The following KANK1 variants were observed in gnomAD, a reference collection of about 807,000 sequenced individuals.
KANK1 encodes KN motif and ankyrin repeat domain-containing protein 1.
In KANK1, 109 loss-of-function variants were observed where a neutral mutation model predicts 106.2. The observed-to-expected ratio is 1.03, with a 90% CI of 0.88 to 1.20. The LOEUF (loss-of-function observed/expected upper bound fraction) is 1.20, where lower values mean the gene tolerates loss of function less well. Ranked by LOEUF, KANK1 falls within the 50% of genes most tolerant of loss-of-function variation. The pLI, the probability that KANK1 is intolerant of heterozygous loss-of-function variation, is 0.00. For synonymous variants in KANK1, 873 were observed against 652.2 expected (o/e 1.34, Z -5.16); for missense variants, 2,399 against 1,710.7 (o/e 1.40, Z -7.10).
intron 1 of KANK1, among the ~76,000 whole-genome samples, chr9:634,833 C>G (rs899262782): frequency 1.1e-4 from 17 of 152,184 alleles, no homozygotes; most frequent in African/African-American, 4.1e-4. Context: ...TAGTGGCCCA[C>G]TGATATCATT....
chr9:616,302 A>G (rs1350505905), intron 1 of KANK1, among the ~76,000 whole-genome samples: 1 of 152,180 alleles, frequency 6.6e-6, no homozygotes, highest in Non-Finnish European at 1.5e-5. Context: ...CATTTAGGTG[A>G]TACTGTATCA....
At chr9:733,287 G>T (rs1832813299) in intron 6 of KANK1, 1 of 152,206 alleles carries the variant, frequency 6.6e-6, no homozygotes, top group East Asian at 1.9e-4. Context: ...TTCAGTATGT[G>T]AAATATAAAT....
At chr9:541,651 G>T (rs1021937928) in intron 1 of KANK1, among the ~76,000 whole-genome samples, 2 of 152,020 alleles carry the variant, frequency 1.3e-5, no homozygotes, top group Non-Finnish European at 2.9e-5. Context: ...ATTCTGCATA[G>T]AAAAGGAAAC....
intron 1 of KANK1, among the ~76,000 whole-genome samples, chr9:561,814 A>G (rs1018548506): frequency 1.3e-5 from 2 of 152,216 alleles, no homozygotes; most frequent in Non-Finnish European, 2.9e-5. Context: ...TGTAAGTCAC[A>G]CTGTTAAAGA....
Position 734,762 on chromosome 9 carries a change from A to G in KANK1, c.3260A>G (p.Glu1087Gly), listed in dbSNP as rs759914668. 1 of 1,611,134 alleles carries G rather than the reference A, an allele frequency of 6.2e-7. No homozygotes were observed. Among genetic ancestry groups the G allele is most frequent in the Non-Finnish European group, 8.5e-7 (1 of 1,177,228 alleles). The part of the protein sequence containing the change: ...VEIRERYELS[E>G]KMLSACNLLK... ...TCTCCTTTCAGGTATGAATTAAGTG[A>G]AAAGATGTTGTCTGCATGCAACTTA... The change falls in exon 7 of 12, where the codon GAA (glutamate) becomes GGA (glycine). Residue 1087 changes from glutamate (E) to glycine (G), a missense_variant. Glu to Gly is a moderately conservative substitution (Grantham distance 98). Transcript: ENST00000382297.
chr9:584,758 C>G (rs1462365157), intron 1 of KANK1, among the ~76,000 whole-genome samples: 2 of 152,186 alleles, frequency 1.3e-5, no homozygotes, highest in Non-Finnish European at 2.9e-5. Flanking sequence ...CTTCAGCTTT[C>G]AGGCTCGCTG....
intron 2 of KANK1, among the ~76,000 whole-genome samples, chr9:708,148 ATGGAATTT>A: frequency 2.7e-5 from 1 of 36,504 alleles, no homozygotes; most frequent in African/African-American, 1.2e-4. Context: ...TCTCCTGTTA[ATGGAATTT>A]CAGACAGTCC....
chr9:573,541 A>T (rs921813686), intron 1 of KANK1, among the ~76,000 whole-genome samples: 4 of 152,090 alleles, frequency 2.6e-5, no homozygotes, highest in Admixed American at 2.0e-4. Flanking sequence ...AAGTGCTGGG[A>T]TTACAGGCAT....
intron 3 of KANK1, among the ~76,000 whole-genome samples, chr9:713,687 G>A (rs1041987208): frequency 2.0e-5 from 3 of 152,134 alleles, no homozygotes; most frequent in South Asian, 2.1e-4. Context: ...GAGGACTAAC[G>A]CTGGAAGAAA....
chr9:655,076 T>C (rs1841821971), intron 1 of KANK1, among the ~76,000 whole-genome samples: 2 of 151,884 alleles, frequency 1.3e-5, no homozygotes. Flanking sequence ...ACAGTAATTC[T>C]AATAATCATC....
chr9:642,523 T>C (rs1157046043), intron 1 of KANK1, among the ~76,000 whole-genome samples: 1 of 151,026 alleles, frequency 6.6e-6, no homozygotes. Flanking sequence ...AAGGTCACTT[T>C]TGTAAATTTC....
At chr9:552,704 T>A (rs2061353225) in intron 1 of KANK1, among the ~76,000 whole-genome samples, 2 of 152,218 alleles carry the variant, frequency 1.3e-5, no homozygotes, top group African/African-American at 4.8e-5. Context: ...TGCCTTGGCC[T>A]TTTTCCCTGT....
chr9:525,903 C>G (rs7856262), intron 1 of KANK1, among the ~76,000 whole-genome samples: 66,128 of 151,260 alleles, frequency 0.44, 17,558 homozygotes, highest in African/African-American at 0.74. Flanking sequence ...CATTTGTCAC[C>G]CAGAGGATCA....
intron 1 of KANK1, among the ~76,000 whole-genome samples, chr9:545,060 TGAG>T (rs60020230): frequency 0.052 from 7,963 of 151,742 alleles, 702 homozygotes; most frequent in African/African-American, 0.18. Flanking sequence ...AAATGGCGGC[TGAG>T]GAGGAGAATC....
Position 544,503 on chromosome 9 carries a change from T to C in KANK1, c.-84+39749T>C, listed in dbSNP as rs570164850. 4.6e-5 allele frequency among the ~76,000 whole-genome samples: 7 copies of C among 152,286 alleles called. No homozygotes were observed. The South Asian group carries it at 1.5e-3, about 32-fold the overall frequency. On this transcript the variant is annotated intron_variant, in intron 1 of 11. Coordinates refer to ENST00000382297, the MANE Select transcript of KANK1 (RefSeq NM_015158.5). ...AAATTTGAGATGAGCAATTAATAGA[T>C]GGACCGGCCAACAAACACTATGTGG...
intron 1 of KANK1, among the ~76,000 whole-genome samples, chr9:676,407 T>C (rs1373822964): frequency 6.6e-6 from 1 of 152,196 alleles, no homozygotes; most frequent in Non-Finnish European, 1.5e-5. Flanking sequence ...AAAGAGGCGT[T>C]GGTAGAAAGA....
rs764894482 is a variant in KANK1, at chr9:712,899, T to G, written c.2133T>G (p.Thr711=). Residue 711 remains threonine, a synonymous_variant, in exon 3 of 12, where the codon ACT becomes ACG. Coordinates refer to ENST00000382297, the MANE Select transcript of KANK1 (RefSeq NM_015158.5). ...STLDKQTSTQ[T]VETRTVAVGE... is the part of the protein sequence containing the mutation. ...TGGACAAGCAGACCAGCACCCAGAC[T>G]GTGGAGACGCGGACAGTAGCTGTAG... 1.2e-6 allele frequency: 2 copies of G among 1,613,678 alleles called. No individual in the cohort carries two copies. Among genetic ancestry groups the G allele is most frequent in the South Asian group, 2.2e-5 (2 of 91,038 alleles).
At position 718,298 on chromosome 9, in the gene KANK1, C is replaced by CTTTT. The variant is rs60145502; in HGVS notation, c.2698+4857_2698+4860dup. Among the ~76,000 whole-genome samples the CTTTT allele has an allele frequency of 5.0e-3, 368 of 74,122 alleles. 40 individuals carry two copies. The highest frequency in any genetic ancestry group is 0.028 in the East Asian group (49 of 1,764). 48.6% of individuals were successfully genotyped at this position (74,122 alleles called of 152,430 possible). ...TGGCTGTGTAGGTAACTTGCTGTGT[C>CTTTT]TTTTTTTTTTTTTTTTTTTTTTTTT... is the stretch of plus-strand genomic sequence containing the variant. On this transcript the variant is annotated intron_variant, in intron 3 of 11. Transcript: ENST00000382297.
At chr9:675,583 A>C (rs1314185826) in intron 1 of KANK1, among the ~76,000 whole-genome samples, 1 of 152,018 alleles carries the variant, frequency 6.6e-6, no homozygotes, top group Non-Finnish European at 1.5e-5. Context: ...GGTAACTTTT[A>C]AATAGAAATA....
Sources: allele counts gnomAD v4.1 joint callset (sites outside exome capture counted in the v4.1 genomes callset), GRCh38; gene constraint gnomAD v4.1.1; transcripts MANE v1.5; gene names NCBI Gene and HGNC (gene_info 2026-07-23, HGNC 2026-07-21).